Variants in CAVIN2 observed in about 807,000 individuals in gnomAD.
The protein encoded by CAVIN2 is caveolae-associated protein 2.
A neutral mutation model predicts 11.7 loss-of-function variants in CAVIN2; 13 were observed. The observed-to-expected ratio is 1.11, with a 90% CI of 0.72 to 1.77. The LOEUF is 1.77. Among genes scored for constraint, CAVIN2 ranks in the 40% most tolerant of loss-of-function variants. The pLI, the probability that CAVIN2 is intolerant of heterozygous loss-of-function variation, is 0.00. For synonymous variants in CAVIN2, 237 were observed against 223.2 expected (o/e 1.06, Z -0.55); for missense variants, 549 against 542.9 (o/e 1.01, Z -0.11).
In CAVIN2 at chr2:191,836,723, A is replaced by G. The variant is rs770977781; in HGVS notation, c.484-6T>C. 6.2e-7 allele frequency: 1 copy of G among 1,609,804 alleles called. No individual in the cohort carries two copies. The highest frequency in any genetic ancestry group is 1.7e-5 in the Admixed American group (1 of 59,602). ...GCAGGGATCTCATTTTCCTCCTGAAAAGACGGACAATGTAGGTTTCATGTT... is the reference window on the plus strand; with the variant it reads ...GCAGGGATCTCATTTTCCTCCTGAAGAGACGGACAATGTAGGTTTCATGTT... On this transcript the variant is annotated splice_region_variant and splice_polypyrimidine_tract_variant and intron_variant, in intron 1 of 1. Transcript: ENST00000304141.
rs756783092 is a variant in CAVIN2 at position 191,846,780 on chromosome 2, T to G, written c.146A>C (p.Asp49Ala). Residue 49 changes from aspartate to alanine, a missense_variant, in exon 1 of 2, where the codon GAC (aspartate) becomes GCC (alanine). Asp to Ala is a moderately radical substitution (Grantham distance 126). Transcript: ENST00000304141. The stretch of plus-strand genomic sequence containing the variant: ...CGTGACTGCGTTCACCTGTGAGTTG[T>G]CCCGGATGGCCTCCTCTGTGTTCCC... ...NLGNTEEAIR[D>A]NSQVNAVTVL... is the part of the protein sequence containing the mutation. The G allele has an allele frequency of 7.4e-6, 12 of 1,614,202 alleles. No individual in the cohort carries two copies. The highest frequency in any genetic ancestry group is 1.0e-5 in the Non-Finnish European group (12 of 1,180,028).
At position 191,835,796 on chromosome 2, in the gene CAVIN2, G is replaced by A; in HGVS notation, c.*127C>T. 1 of 893,214 alleles carries A rather than the reference G, an allele frequency of 1.1e-6. No homozygotes were observed. Among genetic ancestry groups the A allele is most frequent in the Non-Finnish European group, 1.7e-6 (1 of 599,414 alleles). The allele number at this position is 893,214 out of a possible 1,614,324, so 55.3% of individuals were successfully genotyped here. A position where few individuals can be genotyped will look rare whatever the true frequency, so the allele number is the denominator to read the frequency against. ...CTCGTGTGTCTTACTATGACTATATGGTCAATGATTACTGCCTGGACAGGA... is the reference window on the plus strand; with the variant it reads ...CTCGTGTGTCTTACTATGACTATATAGTCAATGATTACTGCCTGGACAGGA... On this transcript the variant is annotated 3_prime_UTR_variant, in exon 2 of 2. Coordinates refer to ENST00000304141, the MANE Select transcript of CAVIN2 (RefSeq NM_004657.6).
rs2105734685 is a variant in CAVIN2, at chr2:191,836,447, C to T, written c.754G>A (p.Glu252Lys). 6.2e-7 allele frequency: 1 copy of T among 1,614,110 alleles called. No homozygotes were observed. The highest frequency in any genetic ancestry group is 8.5e-7 in the Non-Finnish European group (1 of 1,180,020). ...LKKAFSRQNIEKKMNKLGTKI... is the reference protein window; with the variant it reads ...LKKAFSRQNIKKKMNKLGTKI... ...GTCCCCAGCTTGTTCATCTTTTTCT[C>T]GATGTTCTGGCGAGAAAATGCTTTC... is the stretch of plus-strand genomic sequence containing the variant. The change falls in exon 2 of 2, where the codon GAG becomes AAG. Residue 252 changes from glutamate to lysine, a missense_variant. Glu to Lys is a moderately conservative substitution (Grantham distance 56). Coordinates refer to ENST00000304141, the MANE Select transcript of CAVIN2 (RefSeq NM_004657.6).
At position 191,836,496 on chromosome 2, in the gene CAVIN2, G is replaced by A; in HGVS notation, c.705C>T (p.Ser235=). ...TCTTGAGGCTATCCACTTTCTTCAG[G>A]CTGGATCTTTTTATTTTCTCTGCCC... ...ESRAEKIKRS[S]LKKVDSLKKA... Residue 235 remains serine (S), a synonymous_variant, in exon 2 of 2, where the codon AGC becomes AGT. Transcript: ENST00000304141. 1 of 1,614,010 alleles carries A rather than the reference G, an allele frequency of 6.2e-7. No homozygotes were observed. The highest frequency in any genetic ancestry group is 8.5e-7 in the Non-Finnish European group (1 of 1,179,994).
At position 191,846,742 on chromosome 2, in the gene CAVIN2, G is replaced by C. The variant is rs1373982373; in HGVS notation, c.184C>G (p.Leu62Val). ...TCTAGCATGTTCACCAGCTTGTCCA[G>C]GAGCGTGAGCACCGTGACTGCGTTC... ...QVNAVTVLTL[L>V]DKLVNMLDAV... Residue 62 changes from leucine (L) to valine (V), a missense_variant, in exon 1 of 2, where the codon CTG becomes GTG. Coordinates refer to ENST00000304141, the MANE Select transcript of CAVIN2 (RefSeq NM_004657.6). The C allele has an allele frequency of 6.2e-7, 1 of 1,614,200 alleles. No homozygotes were observed. Among genetic ancestry groups the C allele is most frequent in the Admixed American group, 1.7e-5 (1 of 60,034 alleles).
intron 1 of CAVIN2, 120 bp from the exon 2 acceptor site, chr2:191,836,837 G>T: frequency 2.0e-6 from 2 of 981,328 alleles, no homozygotes; most frequent in Non-Finnish European, 2.9e-6. Flanking sequence ...AAATGTTTGT[G>T]GCTTGAGTTT....
At chr2:191,842,312 C>T (rs1690105770) in intron 1 of CAVIN2, among the ~76,000 whole-genome samples, 1 of 152,196 alleles carries the variant, frequency 6.6e-6, no homozygotes, top group African/African-American at 2.4e-5. Flanking sequence ...AGAGTACTCT[C>T]ATTTTGCTCC....
intron 1 of CAVIN2, among the ~76,000 whole-genome samples, chr2:191,840,859 T>A (rs1690082619): frequency 6.6e-6 from 1 of 152,230 alleles, no homozygotes; most frequent in Admixed American, 6.5e-5. Flanking sequence ...TCATTCCTGT[T>A]GGCAGAAGAA....
At chr2:191,840,152 C>A (rs372310584) in intron 1 of CAVIN2, among the ~76,000 whole-genome samples, 24 of 152,358 alleles carry the variant, frequency 1.6e-4, no homozygotes, top group African/African-American at 5.5e-4. Flanking sequence ...CTTCTGCCTT[C>A]AGCCTCCTGT....
chr2:191,841,725 C>T (rs1305393494), intron 1 of CAVIN2, among the ~76,000 whole-genome samples: 4 of 152,064 alleles, frequency 2.6e-5, no homozygotes, highest in Admixed American at 2.6e-4. Flanking sequence ...GATTACAAAG[C>T]AGTGGAAGGG....
intron 1 of CAVIN2, among the ~76,000 whole-genome samples, chr2:191,838,329 A>G (rs1690049756): frequency 6.6e-6 from 1 of 152,230 alleles, no homozygotes; most frequent in South Asian, 2.1e-4. Flanking sequence ...TCTCCTTGTT[A>G]ACAACTGAAT....
rs1247622945 is a variant in CAVIN2, at chr2:191,834,790, A to C, written c.*1133T>G. On this transcript the variant is annotated 3_prime_UTR_variant, in exon 2 of 2. Transcript: ENST00000304141. Reference sequence around the variant, plus strand: ...GGAATGAAATTCCCATTATGTACAAAAAAAGAAAAAATAGAATCTTTCACT... The same window carrying C: ...GGAATGAAATTCCCATTATGTACAACAAAAGAAAAAATAGAATCTTTCACT... The C allele has an allele frequency of 6.6e-6, 1 of 152,134 alleles. No individual in the cohort carries two copies. Among genetic ancestry groups the C allele is most frequent in the Admixed American group, 6.5e-5 (1 of 15,282 alleles). The allele number at this position is 152,134 out of a possible 1,614,324, so 9.4% of individuals were successfully genotyped here. A position where few individuals can be genotyped will look rare whatever the true frequency, so the allele number is the denominator to read the frequency against.
chr2:191,840,602 A>G (rs1046550219), intron 1 of CAVIN2, among the ~76,000 whole-genome samples: 4 of 152,252 alleles, frequency 2.6e-5, no homozygotes, highest in Non-Finnish European at 5.9e-5. Flanking sequence ...TGCTGTTCAT[A>G]TCGATCCTAG....
rs1398771111 is a variant in CAVIN2 at position 191,836,728 on chromosome 2, G to A, written c.484-11C>T. ...GATCTCATTTTCCTCCTGAAAAGAC[G>A]GACAATGTAGGTTTCATGTTAATAA... On this transcript the variant is annotated splice_polypyrimidine_tract_variant and intron_variant, in intron 1 of 1. Coordinates refer to ENST00000304141, the MANE Select transcript of CAVIN2 (RefSeq NM_004657.6). The A allele has an allele frequency of 6.2e-7, 1 of 1,606,726 alleles. No individual in the cohort carries two copies. Among genetic ancestry groups the A allele is most frequent in the Non-Finnish European group, 8.5e-7 (1 of 1,175,694 alleles).
chr2:191,847,062 G>T lies in CAVIN2; in HGVS notation c.-137C>A, dbSNP rs1690180246. 1.8e-6 allele frequency: 2 copies of T among 1,137,316 alleles called. No homozygotes were observed. Among genetic ancestry groups the T allele is most frequent in the Middle Eastern group, 3.0e-4 (1 of 3,354 alleles). 70.5% of individuals were successfully genotyped at this position (1,137,316 alleles called of 1,614,324 possible). The stretch of plus-strand genomic sequence containing the variant: ...AGTCTCCAGGACTGGCAGAGGTTCA[G>T]ACAGGCAACAACTGGCTACGCTGAT... On this transcript the variant is annotated 5_prime_UTR_variant, in exon 1 of 2. In the 5' UTR this introduces an upstream ATG that the reference lacks. Transcript: ENST00000304141.
At chr2:191,837,282 C>T (rs1690037750) in intron 1 of CAVIN2, among the ~76,000 whole-genome samples, 1 of 152,166 alleles carries the variant, frequency 6.6e-6, no homozygotes, top group Admixed American at 6.5e-5. Context: ...CTCAAAGGTG[C>T]ACACTAATTT....
rs546855774 is a variant in CAVIN2, at chr2:191,839,674, G to A, written c.484-2957C>T. ...AGATAATCCAGAATGAGTTGGATGTGTCTTTATGCAACTGGAAACAAGTGA... is the reference window on the plus strand; with the variant it reads ...AGATAATCCAGAATGAGTTGGATGTATCTTTATGCAACTGGAAACAAGTGA... On this transcript the variant is annotated intron_variant, in intron 1 of 1. Coordinates refer to ENST00000304141, the MANE Select transcript of CAVIN2 (RefSeq NM_004657.6). Among the ~76,000 whole-genome samples, 143 of 152,298 alleles carry A rather than the reference G, an allele frequency of 9.4e-4. 3 individuals carry two copies. In the Middle Eastern group the frequency reaches 0.017, roughly 18 times the overall value.
In CAVIN2 at chr2:191,847,035, C is replaced by T. The variant is rs1690179936; in HGVS notation, c.-110G>A. 1 of 1,398,246 alleles carries T rather than the reference C, an allele frequency of 7.2e-7. No individual in the cohort carries two copies. Among genetic ancestry groups the T allele is most frequent in the Admixed American group, 2.4e-5 (1 of 41,868 alleles). 86.6% of individuals were successfully genotyped at this position (1,398,246 alleles called of 1,614,324 possible). A position where few individuals can be genotyped will look rare whatever the true frequency, so the allele number is the denominator to read the frequency against. ...GGCCCGCTGGTTGGAGCTCAGGGCACCAGTCTCCAGGACTGGCAGAGGTTC... is the reference window on the plus strand; with the variant it reads ...GGCCCGCTGGTTGGAGCTCAGGGCATCAGTCTCCAGGACTGGCAGAGGTTC... On this transcript the variant is annotated 5_prime_UTR_variant, in exon 1 of 2. In the 5' UTR this introduces an upstream ATG that the reference lacks. Transcript: ENST00000304141.
In CAVIN2 at chr2:191,836,231, T is replaced by G. The variant is rs1178594316; in HGVS notation, c.970A>C (p.Met324Leu). Residue 324 changes from methionine to leucine, a missense_variant, in exon 2 of 2, where the codon ATG becomes CTG. Met to Leu is a conservative substitution (Grantham distance 15, BLOSUM62 2). Transcript: ENST00000304141. ...GACTCCTCTTCCTGGTCATTTGGCA[T>G]CTGCTCACTGCTAGGCAGGTCTTCT... ...KSEDLPSSEQ[M>L]PNDQEEESFA... 6.2e-7 allele frequency: 1 copy of G among 1,613,984 alleles called. No homozygotes were observed. The highest frequency in any genetic ancestry group is 8.5e-7 in the Non-Finnish European group (1 of 1,180,048).
Sources: allele counts gnomAD v4.1 joint callset (sites outside exome capture counted in the v4.1 genomes callset), GRCh38; gene constraint gnomAD v4.1.1; transcripts MANE v1.5; gene names NCBI Gene and HGNC (gene_info 2026-07-23, HGNC 2026-07-21).